The following PRKN variants were observed in gnomAD, a reference collection of about 807,000 sequenced individuals.
PRKN encodes the protein E3 ubiquitin-protein ligase parkin.
Under a neutral mutation model 59.5 loss-of-function variants are expected in PRKN, and 56 were observed. The ratio of observed to expected loss-of-function variants is 0.94; its 90% CI spans 0.76 to 1.18. The LOEUF is 1.18. Among genes scored for constraint, PRKN ranks in the 50% most tolerant of loss-of-function variants. The pLI is 0.00. For synonymous variants in PRKN, 250 were observed against 222.1 expected (o/e 1.13, Z -1.12); for missense variants, 657 against 596.4 (o/e 1.10, Z -1.06).
intron 3 of PRKN, among the ~76,000 whole-genome samples, chr6:162,209,926 G>A (rs989521978): frequency 1.3e-5 from 2 of 151,722 alleles, no homozygotes; most frequent in African/African-American, 4.8e-5. Flanking sequence ...TTGGATGCAG[G>A]GCGGGGAACA....
chr6:162,147,302 C>T (rs1782070779), intron 4 of PRKN, among the ~76,000 whole-genome samples: 1 of 143,326 alleles, frequency 7.0e-6, no homozygotes, highest in Non-Finnish European at 1.5e-5. Context: ...AAGATTGTGC[C>T]ACTGTATTCA....
At chr6:162,680,996 CAAAT>C (rs1331235340) in intron 1 of PRKN, among the ~76,000 whole-genome samples, 1 of 152,170 alleles carries the variant, frequency 6.6e-6, no homozygotes, top group Non-Finnish European at 1.5e-5. Flanking sequence ...ACATAAGACA[CAAAT>C]AAAACAAAGT....
intron 6 of PRKN, among the ~76,000 whole-genome samples, chr6:161,815,978 A>T (rs1562313762): frequency 6.6e-6 from 1 of 152,222 alleles, no homozygotes; most frequent in Non-Finnish European, 1.5e-5. Context: ...CTAACAGGAG[A>T]TCCAGCCATT....
intron 7 of PRKN, among the ~76,000 whole-genome samples, chr6:161,673,729 G>A (rs950844413): frequency 1.3e-5 from 2 of 152,164 alleles, no homozygotes; most frequent in East Asian, 1.9e-4. Flanking sequence ...CTTGGGCCAC[G>A]GTCCAAGCCA....
At chr6:162,288,019 C>G (rs1431083486) in intron 2 of PRKN, among the ~76,000 whole-genome samples, 1 of 152,140 alleles carries the variant, frequency 6.6e-6, no homozygotes, top group Admixed American at 6.5e-5. Context: ...GCCTCAGGTT[C>G]TGTCTTATTC....
intron 4 of PRKN, among the ~76,000 whole-genome samples, chr6:162,078,895 A>T (rs1417691252): frequency 4.3e-5 from 6 of 140,868 alleles, no homozygotes; most frequent in East Asian, 2.1e-4. Context: ...TAAATACTTT[A>T]AAAAAGATTA....
At chr6:161,906,659 C>CATATAT (rs144796790) in intron 6 of PRKN, among the ~76,000 whole-genome samples, 1,453 of 116,578 alleles carry the variant, frequency 0.012, 138 homozygotes, top group African/African-American at 0.048. Flanking sequence ...ATAGAACATA[C>CATATAT]ATATATATAT....
chr6:162,443,692 G>C (rs1457193080), intron 1 of PRKN, among the ~76,000 whole-genome samples: 1 of 152,110 alleles, frequency 6.6e-6, no homozygotes, highest in Admixed American at 6.5e-5. Context: ...ATTCGTCAGT[G>C]ACCTGCAAAC....
chr6:162,328,187 C>G (rs1326540644), intron 2 of PRKN, among the ~76,000 whole-genome samples: 1 of 152,136 alleles, frequency 6.6e-6, no homozygotes, highest in East Asian at 1.9e-4. Flanking sequence ...GGTGATACCC[C>G]GTCTCTACTA....
At chr6:162,718,024 A>G (rs2128239929) in intron 1 of PRKN, among the ~76,000 whole-genome samples, 1 of 152,224 alleles carries the variant, frequency 6.6e-6, no homozygotes, top group East Asian at 1.9e-4. Flanking sequence ...TTGCCGGTAT[A>G]CTTCCTGATA....
chr6:162,184,575 T>G (rs1435036059), intron 4 of PRKN, among the ~76,000 whole-genome samples: 1 of 152,160 alleles, frequency 6.6e-6, no homozygotes, highest in Admixed American at 6.6e-5. Context: ...AAGGACATGT[T>G]GCTTCCCCTT....
chr6:161,680,775 A>ATTTTTTTTTT (rs869253616), intron 7 of PRKN, among the ~76,000 whole-genome samples: 32 of 30,612 alleles, frequency 1.0e-3, no homozygotes, highest in East Asian at 1.3e-3. Flanking sequence ...ATATATATAT[A>ATTTTTTTTTT]TTTTTTTTTT....
At chr6:162,677,120 GA>G (rs1321206070) in intron 1 of PRKN, among the ~76,000 whole-genome samples, 2 of 145,472 alleles carry the variant, frequency 1.4e-5, no homozygotes, top group Admixed American at 6.9e-5. Flanking sequence ...GGAAATGCTG[GA>G]AAAAAAACAC....
intron 7 of PRKN, among the ~76,000 whole-genome samples, chr6:161,691,110 T>C (rs890224855): frequency 6.6e-6 from 1 of 152,050 alleles, no homozygotes; most frequent in Non-Finnish European, 1.5e-5. Context: ...TATCCATCTA[T>C]CCACCTATTC....
At chr6:161,747,034 G>C (rs1788462072) in intron 7 of PRKN, among the ~76,000 whole-genome samples, 1 of 152,046 alleles carries the variant, frequency 6.6e-6, no homozygotes, top group South Asian at 2.1e-4. Context: ...GTTTTCGATT[G>C]ATTTTCAAGC....
intron 4 of PRKN, among the ~76,000 whole-genome samples, chr6:162,129,577 C>T (rs1457727303): frequency 6.6e-6 from 1 of 152,048 alleles, no homozygotes; most frequent in Non-Finnish European, 1.5e-5. Flanking sequence ...TGGAACGTTC[C>T]TCAATGTACC....
At chr6:161,856,464 T>G (rs1279838265) in intron 6 of PRKN, among the ~76,000 whole-genome samples, 1 of 152,182 alleles carries the variant, frequency 6.6e-6, no homozygotes, top group East Asian at 1.9e-4. Flanking sequence ...TTCTGTAATT[T>G]GACTCAATGG....
intron 1 of PRKN, among the ~76,000 whole-genome samples, chr6:162,618,705 A>G (rs1782532265): frequency 6.6e-6 from 1 of 152,136 alleles, no homozygotes; most frequent in African/African-American, 2.4e-5. Flanking sequence ...AGAAATTCCT[A>G]TTTATTTCCA....
chr6:161,556,873 T>G (rs1780259148), intron 8 of PRKN, among the ~76,000 whole-genome samples: 1 of 152,212 alleles, frequency 6.6e-6, no homozygotes, highest in Admixed American at 6.5e-5. Context: ...GAATGCACAG[T>G]GAGCATCTGT....
Sources: allele counts gnomAD v4.1 joint callset (sites outside exome capture counted in the v4.1 genomes callset), GRCh38; gene constraint gnomAD v4.1.1; transcripts MANE v1.5; gene names NCBI Gene and HGNC (gene_info 2026-07-23, HGNC 2026-07-21).